PLEKHM3: variants seen among roughly 807,000 people sequenced by gnomAD.
The protein encoded by PLEKHM3 is pleckstrin homology domain-containing family M member 3.
PLEKHM3 carries 45 observed loss-of-function variants against 81.8 expected under a neutral mutation model. The observed-to-expected ratio is 0.55, with a 90% CI of 0.43 to 0.71. PLEKHM3 has a LOEUF of 0.71. Among genes scored for constraint, PLEKHM3 ranks in the 30% least tolerant of loss-of-function variants. The pLI, the probability that PLEKHM3 is intolerant of heterozygous loss-of-function variation, is 0.00. For synonymous variants in PLEKHM3, 352 were observed against 356.4 expected (o/e 0.99, Z 0.14); for missense variants, 788 against 924.3 (o/e 0.85, Z 1.91).
intron 6 of PLEKHM3, among the ~76,000 whole-genome samples, chr2:207,874,362 G>A (rs1186024140): frequency 1.3e-5 from 2 of 152,028 alleles, no homozygotes; most frequent in Non-Finnish European, 2.9e-5. Flanking sequence ...ATCACCTGAG[G>A]TTGGGAGTTC....
intron 6 of PLEKHM3, among the ~76,000 whole-genome samples, chr2:207,863,477 G>A (rs2092478702): frequency 6.6e-6 from 1 of 152,202 alleles, no homozygotes; most frequent in Non-Finnish European, 1.5e-5. Flanking sequence ...TATGACTCAG[G>A]ATTTATTCAC....
chr2:207,989,286 T>A (rs934598283), intron 2 of PLEKHM3, among the ~76,000 whole-genome samples: 3 of 152,202 alleles, frequency 2.0e-5, no homozygotes, highest in Admixed American at 2.0e-4. Flanking sequence ...ATATGCAGCA[T>A]AAAGTACTCA....
chr2:207,918,698 G>C (rs1163356014), intron 5 of PLEKHM3, among the ~76,000 whole-genome samples: 1 of 152,130 alleles, frequency 6.6e-6, no homozygotes, highest in Non-Finnish European at 1.5e-5. Context: ...TTTGTAATAA[G>C]AGAAAAAATA....
At chr2:207,910,779 AG>A (rs1361725838) in intron 5 of PLEKHM3, among the ~76,000 whole-genome samples, 1 of 152,174 alleles carries the variant, frequency 6.6e-6, no homozygotes, top group Non-Finnish European at 1.5e-5. Context: ...TGAAGGCAGC[AG>A]GGAGGGTGGA....
intron 5 of PLEKHM3, among the ~76,000 whole-genome samples, chr2:207,926,960 G>C (rs759048142): frequency 6.6e-6 from 1 of 152,202 alleles, no homozygotes; most frequent in Non-Finnish European, 1.5e-5. Flanking sequence ...TTAACAGTTT[G>C]CTTTATTCTG....
At chr2:207,952,436 A>T (rs895301897) in intron 3 of PLEKHM3, among the ~76,000 whole-genome samples, 4 of 152,210 alleles carry the variant, frequency 2.6e-5, no homozygotes, top group Non-Finnish European at 5.9e-5. Flanking sequence ...ATAGACATGC[A>T]GGTTCAAGGA....
At chr2:207,961,671 C>T (rs1417620146) in intron 3 of PLEKHM3, among the ~76,000 whole-genome samples, 3 of 152,256 alleles carry the variant, frequency 2.0e-5, no homozygotes, top group African/African-American at 4.8e-5. Flanking sequence ...ACTGAGTGTG[C>T]TTGCCCATCG....
At chr2:207,875,887 C>T (rs1319530277) in intron 6 of PLEKHM3, among the ~76,000 whole-genome samples, 1 of 152,192 alleles carries the variant, frequency 6.6e-6, no homozygotes, top group Non-Finnish European at 1.5e-5. Context: ...GCTTACACCT[C>T]AGTTACTTTA....
chr2:207,931,028 G>T lies in PLEKHM3; in HGVS notation c.1784C>A (p.Ala595Glu). The T allele has an allele frequency of 4.3e-6, 7 of 1,614,112 alleles. No homozygotes were observed. Among genetic ancestry groups the T allele is most frequent in the Non-Finnish European group, 5.9e-6 (7 of 1,179,956 alleles). The stretch of plus-strand genomic sequence containing the variant: ...CCGCAGCACGGCGGCCAGCGGCTCT[G>T]CGTGGTGGTACAGCATGGCGTTCTC... ...QQENAMLYHH[A>E]EPLAAVLRLR... is the part of the protein sequence containing the mutation. The change falls in exon 5 of 8, where the codon GCA (alanine) becomes GAA (glutamate). Residue 595 changes from alanine (A) to glutamate (E), a missense_variant. Physicochemically the swap from Ala to Glu is moderately radical, Grantham distance 107. Transcript: ENST00000427836.
intron 6 of PLEKHM3, among the ~76,000 whole-genome samples, chr2:207,870,744 C>T (rs2092529298): frequency 6.6e-6 from 1 of 152,226 alleles, no homozygotes; most frequent in African/African-American, 2.4e-5. Flanking sequence ...TCCTAACACA[C>T]CTCACGAGAC....
intron 7 of PLEKHM3, among the ~76,000 whole-genome samples, chr2:207,854,368 C>A (rs1474166419): frequency 1.3e-5 from 2 of 152,104 alleles, no homozygotes; most frequent in Non-Finnish European, 1.5e-5. Context: ...ATCCCCCTAC[C>A]CCATCATCAG....
chr2:207,825,088 A>C lies in PLEKHM3; in HGVS notation c.*3231T>G, dbSNP rs2092241131. 6.6e-6 allele frequency: 1 copy of C among 152,210 alleles called. No individual in the cohort carries two copies. The highest frequency in any genetic ancestry group is 2.1e-4 in the South Asian group (1 of 4,832). 9.4% of individuals were successfully genotyped at this position (152,210 alleles called of 1,614,324 possible). On this transcript the variant is annotated 3_prime_UTR_variant, in exon 8 of 8. Transcript: ENST00000427836. The stretch of plus-strand genomic sequence containing the variant: ...GAGAGTTTACATGGTTTTCATATAA[A>C]GAGGCTTTTAACTTTGGAAAAAGCG...
At chr2:207,845,733 A>G (rs1297606338) in intron 7 of PLEKHM3, among the ~76,000 whole-genome samples, 1 of 152,274 alleles carries the variant, frequency 6.6e-6, no homozygotes, top group East Asian at 1.9e-4. Context: ...TTGAAATTAC[A>G]GAATAAAGCA....
intron 6 of PLEKHM3, among the ~76,000 whole-genome samples, chr2:207,864,950 A>G (rs2092487420): frequency 6.6e-6 from 1 of 152,124 alleles, no homozygotes; most frequent in African/African-American, 2.4e-5. Flanking sequence ...TATTTTTCTT[A>G]TTAGCTATTG....
rs1164621436 is a variant in PLEKHM3, at chr2:207,874,176, T to A, written c.1951-12914A>T. On this transcript the variant is annotated intron_variant, in intron 6 of 7. Coordinates refer to ENST00000427836, the MANE Select transcript of PLEKHM3 (RefSeq NM_001080475.3). ...GATTCAAATACATGGGAATTTGCTA[T>A]ACAATAAAGGTGGGGAAGATGAATT... is the stretch of plus-strand genomic sequence containing the variant. 2.0e-5 allele frequency among the ~76,000 whole-genome samples: 3 copies of A among 152,208 alleles called. No homozygotes were observed. In the East Asian group the frequency reaches 5.8e-4, roughly 29 times the overall value.
intron 6 of PLEKHM3, among the ~76,000 whole-genome samples, chr2:207,884,577 T>A (rs1687825539): frequency 6.6e-6 from 1 of 152,066 alleles, no homozygotes; most frequent in Admixed American, 6.5e-5. Flanking sequence ...CAGCTCAGAG[T>A]TATGGAAAAG....
intron 7 of PLEKHM3, among the ~76,000 whole-genome samples, chr2:207,850,230 C>A (rs925838025): frequency 6.6e-6 from 1 of 152,158 alleles, no homozygotes; most frequent in Non-Finnish European, 1.5e-5. Context: ...CGCTGGGGAC[C>A]AAGCTTCAGC....
chr2:207,989,864 C>T (rs1341952159), intron 2 of PLEKHM3, among the ~76,000 whole-genome samples: 1 of 152,238 alleles, frequency 6.6e-6, no homozygotes, highest in African/African-American at 2.4e-5. Flanking sequence ...CTCTGAGTCA[C>T]AAGCATCACT....
chr2:207,846,592 G>A (rs1005072139), intron 7 of PLEKHM3, among the ~76,000 whole-genome samples: 3 of 151,932 alleles, frequency 2.0e-5, no homozygotes, highest in Admixed American at 6.6e-5. Context: ...GCGTGGTGGA[G>A]AGCACCTGTA....
Sources: allele counts gnomAD v4.1 joint callset (sites outside exome capture counted in the v4.1 genomes callset), GRCh38; gene constraint gnomAD v4.1.1; transcripts MANE v1.5; gene names NCBI Gene and HGNC (gene_info 2026-07-23, HGNC 2026-07-21).